Variants in MSR1 observed in about 807,000 individuals in gnomAD.
MSR1 encodes the protein macrophage scavenger receptor types I and II.
Under a neutral mutation model 47.2 loss-of-function variants are expected in MSR1, and 53 were observed. The ratio of observed to expected loss-of-function variants is 1.12; its 90% CI spans 0.90 to 1.41. The LOEUF (loss-of-function observed/expected upper bound fraction) is 1.41, where lower values mean the gene tolerates loss of function less well. Ranked by LOEUF, MSR1 falls within the 40% of genes most tolerant of loss-of-function variation. The pLI is 0.00. For missense variants in MSR1, 786 were observed against 546.9 expected, an observed-to-expected ratio of 1.44 and a Z score of -4.36; for synonymous variants, 239 against 185.6, an observed-to-expected ratio of 1.29 and a Z score of -2.34.
intron 3 of MSR1, among the ~76,000 whole-genome samples, chr8:16,174,808 T>A (rs982327378): frequency 9.2e-5 from 14 of 152,134 alleles, no homozygotes; most frequent in Admixed American, 7.2e-4. Flanking sequence ...CTATTGTTAA[T>A]GTAAATGATC....
At chr8:16,145,318 A>G (rs565601264) in intron 7 of MSR1, among the ~76,000 whole-genome samples, 53 of 152,282 alleles carry the variant, frequency 3.5e-4, no homozygotes, top group African/African-American at 1.3e-3. Context: ...AATAAAATAT[A>G]GTGCCAAATT....
chr8:16,164,000 C>A lies in MSR1; in HGVS notation c.817+65G>T, dbSNP rs1171347959. 4 of 1,244,208 alleles carry A rather than the reference C, an allele frequency of 3.2e-6. No homozygotes were observed. The African/African-American group carries it at 4.6e-5, about 14-fold the overall frequency. 77.1% of individuals were successfully genotyped at this position (1,244,208 alleles called of 1,614,324 possible). A position where few individuals can be genotyped will look rare whatever the true frequency, so the allele number is the denominator to read the frequency against. ...AACCATAGGATTTCAAATATCAAAT[C>A]TCTGCATGTATCAGTATATTTTAAT... On this transcript the variant is annotated intron_variant, in intron 5 of 9. Coordinates refer to ENST00000262101, the MANE Select transcript of MSR1 (RefSeq NM_138715.3).
Position 16,120,616 on chromosome 8 carries a change from T to TAAAAAAAAAAAAAAAAAAAAAAAAAAGAA in MSR1, c.1034-11_1034-10insTTCTTTTTTTTTTTTTTTTTTTTTTTTTT. Reference sequence around the variant, plus strand: ...ACTTTCGTAAATGGAGCTGTAAAGTTAAAAAAAAAAAAAAAAAAAAAAAAA... The same window carrying TAAAAAAAAAAAAAAAAAAAAAAAAAAGAA: ...ACTTTCGTAAATGGAGCTGTAAAGTTAAAAAAAAAAAAAAAAAAAAAAAAAAGAAAAAAAAAAAAAAAAAAAAAAAAAAA... On this transcript the variant is annotated splice_polypyrimidine_tract_variant and intron_variant, in intron 8 of 9. Coordinates refer to ENST00000262101, the MANE Select transcript of MSR1 (RefSeq NM_138715.3). 8.4e-7 allele frequency: 1 copy of TAAAAAAAAAAAAAAAAAAAAAAAAAAGAA among 1,195,930 alleles called. No homozygotes were observed. The highest frequency in any genetic ancestry group is 1.1e-6 in the Non-Finnish European group (1 of 940,724). The allele number at this position is 1,195,930 out of a possible 1,614,324, so 74.1% of individuals were successfully genotyped here.
At chr8:16,118,977 G>A (rs1334396428) in intron 9 of MSR1, among the ~76,000 whole-genome samples, 1 of 152,074 alleles carries the variant, frequency 6.6e-6, no homozygotes, top group Admixed American at 6.5e-5. Flanking sequence ...TTCTAAATAT[G>A]GGACAGGGAT....
At chr8:16,168,024 G>A (rs962003581) in intron 4 of MSR1, among the ~76,000 whole-genome samples, 5 of 152,186 alleles carry the variant, frequency 3.3e-5, no homozygotes, top group African/African-American at 1.2e-4. Flanking sequence ...ACACCTTAAG[G>A]TGAGGACCAT....
chr8:16,189,432 A>ATATTTTATATATATAAAATCT (rs1347133984), intron 1 of MSR1, among the ~76,000 whole-genome samples: 3 of 74,890 alleles, frequency 4.0e-5, no homozygotes, highest in Non-Finnish European at 6.2e-5. Flanking sequence ...ATATAAAATC[A>ATATTTTATATATATAAAATCT]TATTTTATAT....
intron 1 of MSR1, among the ~76,000 whole-genome samples, chr8:16,187,237 C>T (rs1213278901): frequency 6.6e-6 from 1 of 151,278 alleles, no homozygotes; most frequent in Non-Finnish European, 1.5e-5. Context: ...GTGGCGGGTA[C>T]CTCTAATCCC....
chr8:16,173,571 T>C (rs1254989529), intron 3 of MSR1, among the ~76,000 whole-genome samples: 1 of 152,244 alleles, frequency 6.6e-6, no homozygotes, highest in Non-Finnish European at 1.5e-5. Context: ...GTTGGATTTT[T>C]GTTTTAGTGT....
intron 1 of MSR1, among the ~76,000 whole-genome samples, chr8:16,178,411 A>C (rs926688252): frequency 2.6e-5 from 4 of 152,100 alleles, no homozygotes; most frequent in African/African-American, 9.7e-5. Flanking sequence ...AGCTTCATCC[A>C]TGTCCCTACA....
chr8:16,133,277 C>G (rs565281301), intron 8 of MSR1, among the ~76,000 whole-genome samples: 1 of 152,214 alleles, frequency 6.6e-6, no homozygotes, highest in South Asian at 2.1e-4. Context: ...TTAACTATAT[C>G]AATGTTGTAA....
intron 7 of MSR1, among the ~76,000 whole-genome samples, chr8:16,147,935 G>A (rs192413557): frequency 1.2e-4 from 18 of 152,206 alleles, no homozygotes; most frequent in Admixed American, 1.1e-3. Context: ...CCTGGACATT[G>A]GTGAGGATGC....
At chr8:16,130,872 A>G (rs1800240052) in intron 8 of MSR1, among the ~76,000 whole-genome samples, 1 of 152,022 alleles carries the variant, frequency 6.6e-6, no homozygotes, top group Non-Finnish European at 1.5e-5. Flanking sequence ...TTCTTTATCC[A>G]GTCTACCAAT....
rs1799720637 is a variant in MSR1, at chr8:16,109,999, T to C, written c.*86A>G. The C allele has an allele frequency of 1.3e-6, 2 of 1,515,772 alleles. No individual in the cohort carries two copies. Among genetic ancestry groups the C allele is most frequent in the African/African-American group, 2.7e-5 (2 of 72,922 alleles). 93.9% of individuals were successfully genotyped at this position (1,515,772 alleles called of 1,614,324 possible). On this transcript the variant is annotated 3_prime_UTR_variant, in exon 10 of 10. Coordinates refer to ENST00000262101, the MANE Select transcript of MSR1 (RefSeq NM_138715.3). ...TGGGCAATATTCTTAATCTCTTAAA[T>C]ATTGATTAAATGGATTTTACAGGAA... is the stretch of plus-strand genomic sequence containing the variant.
At chr8:16,113,153 TTGGCCAGAA>T (rs1466043493) in intron 9 of MSR1, among the ~76,000 whole-genome samples, 1 of 151,872 alleles carries the variant, frequency 6.6e-6, no homozygotes, top group Non-Finnish European at 1.5e-5. Flanking sequence ...TTTCACCATG[TTGGCCAGAA>T]TGGTCTCGAT....
At chr8:16,165,212 A>G (rs1386597374) in intron 4 of MSR1, among the ~76,000 whole-genome samples, 1 of 151,970 alleles carries the variant, frequency 6.6e-6, no homozygotes, top group Non-Finnish European at 1.5e-5. Context: ...TTGCCGTACT[A>G]CTCTCCAAAT....
Position 16,133,739 on chromosome 8 carries a change from T to G in MSR1, c.1033+9819A>C, listed in dbSNP as rs561601984. 1.3e-4 allele frequency among the ~76,000 whole-genome samples: 20 copies of G among 152,308 alleles called. No individual in the cohort carries two copies. The South Asian group carries it at 3.5e-3, about 27-fold the overall frequency. ...AGGATTATACTGGGAAATCCATGTT[T>G]TATCTTCTCCTATAATTCTTCAAAT... On this transcript the variant is annotated intron_variant, in intron 8 of 9. Coordinates refer to ENST00000262101, the MANE Select transcript of MSR1 (RefSeq NM_138715.3).
chr8:16,156,709 T>C (rs2117149642), intron 5 of MSR1, among the ~76,000 whole-genome samples: 1 of 152,038 alleles, frequency 6.6e-6, no homozygotes, highest in African/African-American at 2.4e-5. Context: ...ACGTGTATTT[T>C]TTTTTTCCAC....
intron 5 of MSR1, 23 bp from the exon 6 acceptor site, chr8:16,155,167 G>A: frequency 6.3e-7 from 1 of 1,576,140 alleles, no homozygotes; most frequent in African/African-American, 1.3e-5. Flanking sequence ...TACAGTTACT[G>A]ATCATAGTTG....
intron 3 of MSR1, among the ~76,000 whole-genome samples, chr8:16,171,112 T>TGC (rs1030616679): frequency 8.6e-5 from 13 of 151,632 alleles, no homozygotes; most frequent in Admixed American, 7.2e-4. Flanking sequence ...CAGTCCCAGC[T>TGC]GCTCGGGAGG....
Sources: allele counts gnomAD v4.1 joint callset (sites outside exome capture counted in the v4.1 genomes callset), GRCh38; gene constraint gnomAD v4.1.1; transcripts MANE v1.5; gene names NCBI Gene and HGNC (gene_info 2026-07-23, HGNC 2026-07-21).